Variants in FAT3 observed in about 807,000 individuals in gnomAD.
FAT3 encodes the protein protocadherin Fat 3.
In FAT3, 95 loss-of-function variants were observed where a neutral mutation model predicts 310.2. That is an observed-to-expected ratio of 0.31 (90% confidence interval 0.26 to 0.36). The LOEUF (loss-of-function observed/expected upper bound fraction) is 0.36. FAT3 is among the 10% of genes least tolerant of loss of function. The pLI, the probability that FAT3 is intolerant of heterozygous loss-of-function variation, is 1.00. For synonymous variants in FAT3, 2,314 were observed against 2,192.9 expected (o/e 1.06, Z -1.54); for missense variants, 5,408 against 5,715.6 (o/e 0.95, Z 1.74).
intron 1 of FAT3, among the ~76,000 whole-genome samples, chr11:92,348,153 G>C (rs1416311871): frequency 6.9e-6 from 1 of 145,266 alleles, no homozygotes; most frequent in Non-Finnish European, 1.5e-5. Context: ...TTTTTCCTTT[G>C]CCACAATAAA....
chr11:92,887,240 C>A, intron 25 of FAT3, 127 bp downstream of exon 25: 1 of 761,764 alleles, frequency 1.3e-6, no homozygotes. Context: ...TGAGCGTGTT[C>A]ACCAGGTCCC....
At chr11:92,379,128 A>G (rs937365335) in intron 2 of FAT3, among the ~76,000 whole-genome samples, 10 of 152,142 alleles carry the variant, frequency 6.6e-5, no homozygotes, top group Middle Eastern at 3.4e-3. Flanking sequence ...CACTTTTCCA[A>G]CCTCTTTAAA....
In FAT3 at chr11:92,878,950, A is replaced by T. The variant is rs530761920; in HGVS notation, c.12128-1781A>T. 2.0e-5 allele frequency among the ~76,000 whole-genome samples: 3 copies of T among 152,252 alleles called. No individual in the cohort carries two copies. The East Asian group carries it at 5.8e-4, about 29-fold the overall frequency. ...AAAAATTTCCAGATTGCAAGAGCCCACTGAGTATCCAGTATTGGCTGAAAA... is the reference window on the plus strand; with the variant it reads ...AAAAATTTCCAGATTGCAAGAGCCCTCTGAGTATCCAGTATTGGCTGAAAA... On this transcript the variant is annotated intron_variant, in intron 22 of 27. Coordinates refer to ENST00000525166, the MANE Select transcript of FAT3 (RefSeq NM_001367949.2).
chr11:92,671,855 C>G (rs1439993244), intron 3 of FAT3, among the ~76,000 whole-genome samples: 2 of 152,118 alleles, frequency 1.3e-5, no homozygotes, highest in African/African-American at 4.8e-5. Flanking sequence ...CCTGTAATCC[C>G]AGCACTTTGG....
intron 1 of FAT3, among the ~76,000 whole-genome samples, chr11:92,232,907 A>G (rs1212102424): frequency 6.6e-6 from 1 of 152,098 alleles, no homozygotes; most frequent in Non-Finnish European, 1.5e-5. Flanking sequence ...TGATGGCAGA[A>G]TTTACATTTA....
chr11:92,639,484 C>T (rs781171169), intron 3 of FAT3, among the ~76,000 whole-genome samples: 1 of 152,158 alleles, frequency 6.6e-6, no homozygotes, highest in Admixed American at 6.6e-5. Flanking sequence ...CTCTCTTTCT[C>T]TCTCTCTCAA....
At chr11:92,397,719 C>A (rs1379416537) in intron 2 of FAT3, among the ~76,000 whole-genome samples, 1 of 152,034 alleles carries the variant, frequency 6.6e-6, no homozygotes, top group East Asian at 1.9e-4. Context: ...CTTCCATCCC[C>A]CGCTTGCGAA....
chr11:92,814,562 G>A (rs1418765936), intron 13 of FAT3, among the ~76,000 whole-genome samples: 3 of 152,138 alleles, frequency 2.0e-5, no homozygotes, highest in Non-Finnish European at 4.4e-5. Context: ...CCATAAACTG[G>A]TGACATGACT....
intron 3 of FAT3, among the ~76,000 whole-genome samples, chr11:92,592,318 C>CTTTTTTTTT (rs753531647): frequency 2.8e-5 from 3 of 108,250 alleles, no homozygotes; most frequent in African/African-American, 7.2e-5. Flanking sequence ...TCCTAATTGT[C>CTTTTTTTTT]TTTTTTTTTT....
intron 1 of FAT3, among the ~76,000 whole-genome samples, chr11:92,271,848 T>C (rs887442630): frequency 5.3e-5 from 8 of 152,190 alleles, no homozygotes; most frequent in Admixed American, 1.3e-4. Flanking sequence ...TTCTGCCTTC[T>C]TCTACGTGCT....
At chr11:92,886,871 G>A in intron 24 of FAT3, 129 bp from the exon 25 acceptor site, 1 of 704,736 alleles carries the variant, frequency 1.4e-6, no homozygotes, top group Non-Finnish European at 2.4e-6. Flanking sequence ...CTACTGTGGA[G>A]CTAAATTATT....
chr11:92,657,161 C>T (rs1293656779), intron 3 of FAT3, among the ~76,000 whole-genome samples: 1 of 152,112 alleles, frequency 6.6e-6, no homozygotes, highest in Non-Finnish European at 1.5e-5. Context: ...GCCCGTTTTC[C>T]AGTGGTATTA....
intron 3 of FAT3, among the ~76,000 whole-genome samples, chr11:92,584,603 G>A (rs1000339634): frequency 1.3e-5 from 2 of 148,244 alleles, no homozygotes; most frequent in Admixed American, 6.9e-5. Flanking sequence ...TTTGAAACAG[G>A]TATGTCCAGG....
intron 3 of FAT3, among the ~76,000 whole-genome samples, chr11:92,553,046 A>G (rs1213950360): frequency 5.9e-5 from 9 of 152,296 alleles, no homozygotes; most frequent in East Asian, 1.9e-4. Context: ...ACAGAAAGAA[A>G]AAAAAGAAAT....
chr11:92,652,110 T>A (rs1942400894), intron 3 of FAT3, among the ~76,000 whole-genome samples: 1 of 152,158 alleles, frequency 6.6e-6, no homozygotes, highest in South Asian at 2.1e-4. Context: ...TTGTTTTATG[T>A]CTTTTATATA....
intron 24 of FAT3, 178 bp from the exon 25 acceptor site, chr11:92,886,822 G>C (rs1463839969): frequency 5.1e-6 from 3 of 590,892 alleles, no homozygotes; most frequent in Non-Finnish European, 9.0e-6. Flanking sequence ...TAAATCACTT[G>C]ATTGACAGAA....
At chr11:92,855,499 C>A (rs1194841722) in intron 19 of FAT3, among the ~76,000 whole-genome samples, 2 of 152,200 alleles carry the variant, frequency 1.3e-5, no homozygotes, top group East Asian at 3.8e-4. Context: ...TCTTTACATT[C>A]CCAGGCCTTA....
intron 1 of FAT3, among the ~76,000 whole-genome samples, chr11:92,347,020 T>G (rs988439159): frequency 1.3e-5 from 2 of 152,212 alleles, no homozygotes; most frequent in African/African-American, 4.8e-5. Flanking sequence ...TTAAGTATTT[T>G]CCATTTATTA....
At chr11:92,474,133 T>C (rs775357038) in intron 2 of FAT3, among the ~76,000 whole-genome samples, 1 of 152,212 alleles carries the variant, frequency 6.6e-6, no homozygotes, top group African/African-American at 2.4e-5. Flanking sequence ...CAGCTTCTTA[T>C]AAACCCTGTG....
Sources: allele counts gnomAD v4.1 joint callset (sites outside exome capture counted in the v4.1 genomes callset), GRCh38; gene constraint gnomAD v4.1.1; transcripts MANE v1.5; gene names NCBI Gene and HGNC (gene_info 2026-07-23, HGNC 2026-07-21).